Variants in ST3GAL2 observed in about 807,000 individuals in gnomAD.
The protein encoded by ST3GAL2 is ST3 beta-galactoside alpha-2,3-sialyltransferase 2.
In ST3GAL2, 16 loss-of-function variants were observed where a neutral mutation model predicts 37.5. The ratio of observed to expected loss-of-function variants is 0.43; its 90% CI spans 0.29 to 0.65. The LOEUF (loss-of-function observed/expected upper bound fraction) is 0.65, where lower values mean the gene tolerates loss of function less well. Ranked by LOEUF, ST3GAL2 falls within the 30% of genes least tolerant of loss-of-function variation. ST3GAL2 has a pLI of 0.17. For synonymous variants in ST3GAL2, 238 were observed against 202.9 expected (o/e 1.17, Z -1.47); for missense variants, 383 against 487.8 (o/e 0.79, Z 2.02).
Position 70,398,863 on chromosome 16 carries a change from T to G in ST3GAL2, c.-333A>C, listed in dbSNP as rs1440543090. The G allele has an allele frequency of 4.2e-6, 2 of 480,542 alleles. No homozygotes were observed. Among genetic ancestry groups the G allele is most frequent in the Non-Finnish European group, 7.3e-6 (2 of 273,916 alleles). 29.8% of individuals were successfully genotyped at this position (480,542 alleles called of 1,614,324 possible). On this transcript the variant is annotated 5_prime_UTR_variant, in exon 2 of 7. Coordinates refer to ENST00000342907, the MANE Select transcript of ST3GAL2 (RefSeq NM_006927.4). ...CAGTCCATTGCAGCCCTCTAGTCCC[T>G]TGGGATTGCTGGCTGCCAGCTCTAG...
intron 1 of ST3GAL2, among the ~76,000 whole-genome samples, chr16:70,404,027 A>C (rs1215112883): frequency 6.6e-6 from 1 of 152,122 alleles, no homozygotes; most frequent in Non-Finnish European, 1.5e-5. Flanking sequence ...AGACATCCAC[A>C]TGCAGTTGGA....
rs1311196523 is a variant in ST3GAL2 at position 70,438,992 on chromosome 16, GGCC to G, written c.-1050_-1048del. 45 of 142,806 alleles carry G rather than the reference GGCC, an allele frequency of 3.2e-4. No individual in the cohort carries two copies. The highest frequency in any genetic ancestry group is 6.8e-4 in the East Asian group (3 of 4,396). The allele number at this position is 142,806 out of a possible 1,614,324, so 8.8% of individuals were successfully genotyped here. A position where few individuals can be genotyped will look rare whatever the true frequency, so the allele number is the denominator to read the frequency against. On this transcript the variant is annotated 5_prime_UTR_variant, in exon 1 of 7. Transcript: ENST00000342907. ...CCGCGCGGGCCATGCTCGCCGCTCC[GGCC>G]GCCGCCGCCGCCCGCGCAGAAAGCC...
intron 1 of ST3GAL2, among the ~76,000 whole-genome samples, chr16:70,434,515 G>A (rs2047812589): frequency 1.3e-5 from 2 of 152,146 alleles, no homozygotes; most frequent in Admixed American, 1.3e-4. Context: ...GCACATCAAG[G>A]AGCAGGAACT....
chr16:70,418,713 C>G (rs2047692428), intron 1 of ST3GAL2, among the ~76,000 whole-genome samples: 1 of 152,164 alleles, frequency 6.6e-6, no homozygotes, highest in Non-Finnish European at 1.5e-5. Context: ...TACGCTCTAG[C>G]CTGGTTGTGG....
Position 70,379,106 on chromosome 16 carries a change from C to G in ST3GAL2, c.*2583G>C, listed in dbSNP as rs1272286781. On this transcript the variant is annotated 3_prime_UTR_variant, in exon 7 of 7. Coordinates refer to ENST00000342907, the MANE Select transcript of ST3GAL2 (RefSeq NM_006927.4). Reference sequence around the variant, plus strand: ...GAGGGGAAAACCTGACTTAGATGCACTTCCCTGAGAGGTGGGGACAGCCCA... The same window carrying G: ...GAGGGGAAAACCTGACTTAGATGCAGTTCCCTGAGAGGTGGGGACAGCCCA... 1 of 152,256 alleles carries G rather than the reference C, an allele frequency of 6.6e-6. No individual in the cohort carries two copies. Among genetic ancestry groups the G allele is most frequent in the Non-Finnish European group, 1.5e-5 (1 of 68,074 alleles). 9.4% of individuals were successfully genotyped at this position (152,256 alleles called of 1,614,324 possible).
At position 70,379,979 on chromosome 16, in the gene ST3GAL2, T is replaced by G. The variant is rs918090407; in HGVS notation, c.*1710A>C. On this transcript the variant is annotated 3_prime_UTR_variant, in exon 7 of 7. Transcript: ENST00000342907. The stretch of plus-strand genomic sequence containing the variant: ...AGCAAAAGAAAAAAAAGAAATAAAT[T>G]ATTCTGCTCAATACTGTTTGGCATA... 2.0e-5 allele frequency: 3 copies of G among 152,122 alleles called. No homozygotes were observed. Among genetic ancestry groups the G allele is most frequent in the African/African-American group, 7.2e-5 (3 of 41,390 alleles). The allele number at this position is 152,122 out of a possible 1,614,324, so 9.4% of individuals were successfully genotyped here.
chr16:70,424,049 C>T (rs1191705897), intron 1 of ST3GAL2, among the ~76,000 whole-genome samples: 1 of 151,588 alleles, frequency 6.6e-6, no homozygotes, highest in Non-Finnish European at 1.5e-5. Context: ...CAGAGTGAGA[C>T]TTCGTCTCAA....
chr16:70,377,027 C>T lies in ST3GAL2; in HGVS notation c.*4662G>A, dbSNP rs998559895. ...AAATGCTGGGATTATAGGCATGAGC[C>T]ACCGTGCCTGGCCATAAAATGTTTT... On this transcript the variant is annotated 3_prime_UTR_variant, in exon 7 of 7. Coordinates refer to ENST00000342907, the MANE Select transcript of ST3GAL2 (RefSeq NM_006927.4). 4.6e-5 allele frequency: 7 copies of T among 151,852 alleles called. No individual in the cohort carries two copies. Among genetic ancestry groups the T allele is most frequent in the African/African-American group, 1.5e-4 (6 of 41,324 alleles). 9.4% of individuals were successfully genotyped at this position (151,852 alleles called of 1,614,324 possible). A position where few individuals can be genotyped will look rare whatever the true frequency, so the allele number is the denominator to read the frequency against.
At chr16:70,410,180 A>G (rs1324584283) in intron 1 of ST3GAL2, among the ~76,000 whole-genome samples, 2 of 83,422 alleles carry the variant, frequency 2.4e-5, no homozygotes, top group Admixed American at 1.2e-4. Flanking sequence ...TTTGTCTACT[A>G]TTTTTTCTGT....
intron 4 of ST3GAL2, 34 bp downstream of exon 4, chr16:70,388,333 A>C: frequency 6.2e-7 from 1 of 1,612,934 alleles, no homozygotes; most frequent in Non-Finnish European, 8.5e-7. Context: ...TGGTCCTGTC[A>C]CCCATATTCT....
chr16:70,427,332 A>C lies in ST3GAL2; in HGVS notation c.-1004+11617T>G, dbSNP rs556539435. On this transcript the variant is annotated intron_variant, in intron 1 of 6. Coordinates refer to ENST00000342907, the MANE Select transcript of ST3GAL2 (RefSeq NM_006927.4). ...CAAGCCCCTCAAGCCCCTCAAACCC[A>C]GTCTTCTTTTTTTTTTTTTTTTTTG... is the stretch of plus-strand genomic sequence containing the variant. 1.7e-4 allele frequency among the ~76,000 whole-genome samples: 24 copies of C among 143,938 alleles called. No homozygotes were observed. The South Asian group carries it at 5.0e-3, about 30-fold the overall frequency. 94.4% of individuals were successfully genotyped at this position (143,938 alleles called of 152,430 possible).
chr16:70,395,060 C>A lies in ST3GAL2; in HGVS notation c.455G>T (p.Cys152Phe). Residue 152 changes from cysteine (C) to phenylalanine (F), a missense_variant, in exon 3 of 7, where the codon TGT becomes TTT. Transcript: ENST00000342907. ...RFRDPHQCRR[C>F]AVVGNSGNLR... Reference sequence around the variant, plus strand: ...GTTGCCCGAGTTCCCCACCACGGCACAGCGCCGGCACTGGTGGGGGTCCCG... The same window carrying A: ...GTTGCCCGAGTTCCCCACCACGGCAAAGCGCCGGCACTGGTGGGGGTCCCG... 6.2e-7 allele frequency: 1 copy of A among 1,613,992 alleles called. No homozygotes were observed.
chr16:70,431,985 A>ATATATTTTTT (rs1454729972), intron 1 of ST3GAL2, among the ~76,000 whole-genome samples: 35 of 139,054 alleles, frequency 2.5e-4, no homozygotes, highest in African/African-American at 1.0e-3. Flanking sequence ...ATATATATAT[A>ATATATTTTTT]TTTTTTTTTA....
At chr16:70,421,619 GC>G (rs2047715228) in intron 1 of ST3GAL2, among the ~76,000 whole-genome samples, 1 of 152,202 alleles carries the variant, frequency 6.6e-6, no homozygotes. Context: ...CACAGGCATC[GC>G]CCACATGATG....
rs2047354845 is a variant in ST3GAL2, at chr16:70,377,188, A to AAAAAAAAAAAAAAAAAAAAAAAAAC, written c.*4500_*4501insGTTTTTTTTTTTTTTTTTTTTTTTT. The AAAAAAAAAAAAAAAAAAAAAAAAAC allele has an allele frequency of 6.7e-6, 1 of 149,562 alleles. No individual in the cohort carries two copies. The highest frequency in any genetic ancestry group is 2.5e-5 in the African/African-American group (1 of 40,630). The allele number at this position is 149,562 out of a possible 1,614,324, so 9.3% of individuals were successfully genotyped here. On this transcript the variant is annotated 3_prime_UTR_variant, in exon 7 of 7. Transcript: ENST00000342907. ...GGAGACCCTGTCTCTTAAAAAAAAAAAAAAAAAAAAAAAAAGGGTCTGGTG... is the reference window on the plus strand; with the variant it reads ...GGAGACCCTGTCTCTTAAAAAAAAAAAAAAAAAAAAAAAAAAAAAAAAAACAAAAAAAAAAAAAAAGGGTCTGGTG...
chr16:70,396,051 A>G (rs1366441066), intron 2 of ST3GAL2, among the ~76,000 whole-genome samples: 1 of 150,746 alleles, frequency 6.6e-6, no homozygotes, highest in African/African-American at 2.4e-5. Context: ...GGCTCACCGC[A>G]ACCTCCGCCT....
At chr16:70,438,709 C>T (rs1002890237) in intron 1 of ST3GAL2, among the ~76,000 whole-genome samples, 2 of 152,244 alleles carry the variant, frequency 1.3e-5, no homozygotes, top group Non-Finnish European at 2.9e-5. Context: ...GAGCGGGAGC[C>T]CTGGGAGGCT....
intron 1 of ST3GAL2, among the ~76,000 whole-genome samples, chr16:70,413,048 C>T (rs1048402676): frequency 3.3e-5 from 5 of 151,628 alleles, no homozygotes; most frequent in Non-Finnish European, 7.4e-5. Flanking sequence ...CAGGAGTTCA[C>T]GACCAGCCTG....
At chr16:70,381,903 CT>C in intron 6 of ST3GAL2, 41 bp from the exon 7 acceptor site, 1 of 1,606,612 alleles carries the variant, frequency 6.2e-7, no homozygotes, top group South Asian at 1.1e-5. Flanking sequence ...AGGCGGGGAC[CT>C]GGAGGATGGC....
Sources: gnomAD v4.1 joint callset for allele counts (sites outside exome capture counted in the v4.1 genomes callset) on GRCh38, gnomAD v4.1.1 for gene constraint, MANE v1.5 for transcripts, NCBI Gene and HGNC (gene_info 2026-07-23, HGNC 2026-07-21) for gene names.